Variants in NUF2 observed in about 807,000 individuals in gnomAD.
The protein encoded by NUF2 is kinetochore protein Nuf2.
In NUF2, 34 loss-of-function variants were observed where a neutral mutation model predicts 61.8. The observed-to-expected ratio is 0.55, with a 90% CI of 0.42 to 0.73. The LOEUF (loss-of-function observed/expected upper bound fraction) is 0.73, where lower values mean the gene tolerates loss of function less well. NUF2 is among the 30% of genes least tolerant of loss of function. The pLI, the probability that NUF2 is intolerant of heterozygous loss-of-function variation, is 0.00. For missense variants in NUF2, 445 were observed against 539.1 expected (o/e 0.83, Z 1.73); for synonymous variants, 172 against 181.6 (o/e 0.95, Z 0.42).
rs1650240854 is a variant in NUF2 at position 163,322,092 on chromosome 1, A to T, written c.-141A>T. 1.3e-5 allele frequency: 2 copies of T among 152,268 alleles called. No individual in the cohort carries two copies. The highest frequency in any genetic ancestry group is 4.8e-5 in the African/African-American group (2 of 41,454). The allele number at this position is 152,268 out of a possible 1,614,324, so 9.4% of individuals were successfully genotyped here. On this transcript the variant is annotated 5_prime_UTR_variant, in exon 1 of 14. Coordinates refer to ENST00000271452, the MANE Select transcript of NUF2 (RefSeq NM_145697.3). ...GTGAGCGCGAGAGGACGGAGGAAGG[A>T]AGCCTGCAGACAGACGCCTTCTCCA...
chr1:163,337,747 C>G (rs940761631), intron 6 of NUF2, among the ~76,000 whole-genome samples: 2 of 152,074 alleles, frequency 1.3e-5, no homozygotes, highest in Non-Finnish European at 1.5e-5. Context: ...GGTTTTTATT[C>G]TTGTATCTGG....
intron 2 of NUF2, 42 bp downstream of exon 2, chr1:163,326,216 G>A (rs774997019): frequency 6.3e-7 from 1 of 1,594,094 alleles, no homozygotes; most frequent in South Asian, 1.1e-5. Context: ...TGGTATTTAG[G>A]GAAAAAGTAA....
rs776262779 is a variant in NUF2 at position 163,336,849 on chromosome 1, G to A, written c.435+1G>A. On this transcript the variant is annotated splice_donor_variant, in intron 6 of 13. Transcript: ENST00000271452. LOFTEE classifies it high-confidence loss of function. Reference sequence around the variant, plus strand: ...GTATATGGAATTTCTTTGGCAATATGTAAGATTTAAATATGTTTTGGGGTT... The same window carrying A: ...GTATATGGAATTTCTTTGGCAATATATAAGATTTAAATATGTTTTGGGGTT... 6 of 1,583,784 alleles carry A rather than the reference G, an allele frequency of 3.8e-6. No homozygotes were observed. In the East Asian group the frequency reaches 1.1e-4, roughly 30 times the overall value.
chr1:163,325,394 G>A (rs1176759839), intron 1 of NUF2, among the ~76,000 whole-genome samples: 4 of 152,182 alleles, frequency 2.6e-5, no homozygotes, highest in African/African-American at 7.2e-5. Flanking sequence ...CTACGCTAGG[G>A]GGACACAGGT....
chr1:163,355,138 A>C (rs1651446156), intron 13 of NUF2, among the ~76,000 whole-genome samples, 197 bp from the exon 14 acceptor site: 1 of 28,226 alleles, frequency 3.5e-5, no homozygotes, highest in South Asian at 3.3e-3. Flanking sequence ...TAAGTAGCAA[A>C]CTTTTTGATG....
At position 163,345,659 on chromosome 1, in the gene NUF2, T is replaced by C; in HGVS notation, c.808-19T>C. 1 of 1,597,668 alleles carries C rather than the reference T, an allele frequency of 6.3e-7. No homozygotes were observed. Among genetic ancestry groups the C allele is most frequent in the Non-Finnish European group, 8.5e-7 (1 of 1,174,554 alleles). On this transcript the variant is annotated intron_variant, in intron 10 of 13. Coordinates refer to ENST00000271452, the MANE Select transcript of NUF2 (RefSeq NM_145697.3). ...AAGAAGAATATCAAACTGTGGTCTC[T>C]GTTTTTTGTCTTTCAAAGCAAGAAG...
intron 5 of NUF2, among the ~76,000 whole-genome samples, chr1:163,330,691 T>C (rs1650565340): frequency 6.6e-6 from 1 of 152,124 alleles, no homozygotes; most frequent in African/African-American, 2.4e-5. Flanking sequence ...GGTCTTCTGA[T>C]CCATATGCAT....
intron 2 of NUF2, among the ~76,000 whole-genome samples, chr1:163,326,655 C>G (rs1301161531): frequency 2.0e-5 from 3 of 151,998 alleles, no homozygotes; most frequent in Non-Finnish European, 2.9e-5. Flanking sequence ...TTATTAAATA[C>G]AAAATGAACT....
At chr1:163,345,645 C>G (rs1651099789) in intron 10 of NUF2, 33 bp from the exon 11 acceptor site, 1 of 1,580,902 alleles carries the variant, frequency 6.3e-7, no homozygotes, top group Non-Finnish European at 8.6e-7. Flanking sequence ...AGAAGAATAT[C>G]AAACTGTGGT....
intron 2 of NUF2, among the ~76,000 whole-genome samples, chr1:163,326,756 T>C (rs1048906848): frequency 6.6e-6 from 1 of 152,156 alleles, no homozygotes; most frequent in Non-Finnish European, 1.5e-5. Flanking sequence ...TGTAATGGTG[T>C]AGAACTCAAA....
At chr1:163,341,842 C>T (rs1650957403) in intron 9 of NUF2, among the ~76,000 whole-genome samples, 5 of 152,058 alleles carry the variant, frequency 3.3e-5, no homozygotes. Context: ...GTTGGCCAGG[C>T]TGGTTTTGAA....
chr1:163,346,709 G>A (rs1651139360), intron 11 of NUF2, among the ~76,000 whole-genome samples: 1 of 152,120 alleles, frequency 6.6e-6, no homozygotes, highest in Non-Finnish European at 1.5e-5. Flanking sequence ...TTAAAAATTA[G>A]CCAGCTATAA....
intron 5 of NUF2, among the ~76,000 whole-genome samples, chr1:163,334,065 C>G (rs1188301192): frequency 6.6e-6 from 1 of 152,124 alleles, no homozygotes; most frequent in African/African-American, 2.4e-5. Flanking sequence ...TGACAATGTG[C>G]AGTATTTGAC....
At chr1:163,331,743 A>C (rs1389267766) in intron 5 of NUF2, among the ~76,000 whole-genome samples, 1 of 151,972 alleles carries the variant, frequency 6.6e-6, no homozygotes, top group African/African-American at 2.4e-5. Flanking sequence ...TATTTTTTTA[A>C]AGGAATTTTT....
At chr1:163,344,537 C>G (rs1158567536) in intron 10 of NUF2, among the ~76,000 whole-genome samples, 1 of 149,470 alleles carries the variant, frequency 6.7e-6, no homozygotes, top group Non-Finnish European at 1.5e-5. Context: ...ATATTAAAGG[C>G]AGAGGGAACA....
rs1650412439 is a variant in NUF2 at position 163,326,201 on chromosome 1, G to A, written c.123+27G>A. The A allele has an allele frequency of 7.5e-6, 12 of 1,606,520 alleles. No individual in the cohort carries two copies. In the South Asian group the frequency reaches 1.0e-4, roughly 13 times the overall value. On this transcript the variant is annotated intron_variant, in intron 2 of 13. Coordinates refer to ENST00000271452, the MANE Select transcript of NUF2 (RefSeq NM_145697.3). Reference sequence around the variant, plus strand: ...TAAAAGGTGGTTACGTTTGCATGTGGATAATGGTATTTAGGGAAAAAGTAA... The same window carrying A: ...TAAAAGGTGGTTACGTTTGCATGTGAATAATGGTATTTAGGGAAAAAGTAA...
Position 163,348,033 on chromosome 1 carries a change from A to T in NUF2, c.1124+95A>T, listed in dbSNP as rs1165455827. 3.4e-6 allele frequency: 3 copies of T among 890,134 alleles called. No homozygotes were observed. In the African/African-American group the frequency reaches 5.3e-5, roughly 16 times the overall value. The allele number at this position is 890,134 out of a possible 1,614,324, so 55.1% of individuals were successfully genotyped here. A position where few individuals can be genotyped will look rare whatever the true frequency, so the allele number is the denominator to read the frequency against. Reference sequence around the variant, plus strand: ...GATTTCAAAACCTCGGTATTTTCCAAAAGAGTTTAAACAGCTTTATCTTTA... The same window carrying T: ...GATTTCAAAACCTCGGTATTTTCCATAAGAGTTTAAACAGCTTTATCTTTA... On this transcript the variant is annotated intron_variant, in intron 12 of 13. Transcript: ENST00000271452.
rs759811997 is a variant in NUF2, at chr1:163,347,459, T to C, written c.949-304T>C. Among the ~76,000 whole-genome samples the C allele has an allele frequency of 3.9e-5, 6 of 152,212 alleles. No homozygotes were observed. In the South Asian group the frequency reaches 6.2e-4, roughly 16 times the overall value. Reference sequence around the variant, plus strand: ...CCTACCCTTTTCCCTTTATTTGTACTACTTTAGTTCAGATCCTAACCCCTC... The same window carrying C: ...CCTACCCTTTTCCCTTTATTTGTACCACTTTAGTTCAGATCCTAACCCCTC... On this transcript the variant is annotated intron_variant, in intron 11 of 13. Transcript: ENST00000271452.
At chr1:163,340,083 A>C (rs965541760) in intron 8 of NUF2, among the ~76,000 whole-genome samples, 1 of 152,228 alleles carries the variant, frequency 6.6e-6, no homozygotes, top group African/African-American at 2.4e-5. Flanking sequence ...AGGTTATTTA[A>C]GAACAAAATA....
Sources: gnomAD v4.1 joint callset for allele counts (sites outside exome capture counted in the v4.1 genomes callset) on GRCh38, gnomAD v4.1.1 for gene constraint, MANE v1.5 for transcripts, NCBI Gene and HGNC (gene_info 2026-07-23, HGNC 2026-07-21) for gene names.